The following DPF3 variants were observed in gnomAD, a reference collection of about 807,000 sequenced individuals.
The protein encoded by DPF3 is zinc finger protein DPF3.
A neutral mutation model predicts 56.8 loss-of-function variants in DPF3; 18 were observed. The observed-to-expected ratio is 0.32, with a 90% CI of 0.22 to 0.47. The LOEUF (loss-of-function observed/expected upper bound fraction) is 0.47. Among genes scored for constraint, DPF3 ranks in the 20% least tolerant of loss-of-function variants. DPF3 has a pLI of 1.00. For missense variants in DPF3, 403 were observed against 488.8 expected, an observed-to-expected ratio of 0.82 and a Z score of 1.65; for synonymous variants, 188 against 180.2, an observed-to-expected ratio of 1.04 and a Z score of -0.35.
intron 5 of DPF3, among the ~76,000 whole-genome samples, chr14:72,718,789 A>T (rs1440187920): frequency 6.7e-3 from 6 of 894 alleles, no homozygotes; most frequent in African/African-American, 0.017. Context: ...TTTTTTTGAG[A>T]CGGAGTCACT....
chr14:72,889,354 G>C (rs545932845), intron 1 of DPF3, among the ~76,000 whole-genome samples: 2 of 152,358 alleles, frequency 1.3e-5, no homozygotes, highest in South Asian at 4.1e-4. Flanking sequence ...TGCTAATGAG[G>C]TTTGGAGAAT....
intron 5 of DPF3, 95 bp from the exon 6 acceptor site, chr14:72,714,596 C>T (rs1888824466): frequency 1.4e-6 from 2 of 1,443,616 alleles, no homozygotes; most frequent in South Asian, 1.3e-5. Flanking sequence ...CGTCTTCATC[C>T]CAACTTTTGT....
chr14:72,700,545 T>C (rs780561088), intron 6 of DPF3, among the ~76,000 whole-genome samples: 3 of 152,162 alleles, frequency 2.0e-5, no homozygotes, highest in African/African-American at 7.2e-5. Flanking sequence ...AATTCCCTTC[T>C]GAGATAATCT....
At chr14:72,749,899 A>G (rs1306953521) in intron 3 of DPF3, among the ~76,000 whole-genome samples, 1 of 151,970 alleles carries the variant, frequency 6.6e-6, no homozygotes, top group Non-Finnish European at 1.5e-5. Context: ...AGAGAGAGGT[A>G]AAGAGAGACA....
intron 1 of DPF3, among the ~76,000 whole-genome samples, chr14:72,828,074 C>G (rs1246189460): frequency 6.6e-6 from 1 of 152,038 alleles, no homozygotes; most frequent in African/African-American, 2.4e-5. Flanking sequence ...TTTCAGAGTT[C>G]TTCAAAAAAT....
At chr14:72,779,538 C>T (rs1158072990) in intron 1 of DPF3, among the ~76,000 whole-genome samples, 1 of 152,178 alleles carries the variant, frequency 6.6e-6, no homozygotes, top group Non-Finnish European at 1.5e-5. Flanking sequence ...AAAATCAAGA[C>T]TTGGAATTGG....
chr14:72,816,961 C>A (rs1567243051), intron 1 of DPF3, among the ~76,000 whole-genome samples: 1 of 152,216 alleles, frequency 6.6e-6, no homozygotes, highest in Non-Finnish European at 1.5e-5. Context: ...CCATCTCATC[C>A]TCAGTTTCTC....
intron 1 of DPF3, among the ~76,000 whole-genome samples, chr14:72,893,019 G>A (rs1230726924): frequency 2.8e-5 from 4 of 142,606 alleles, no homozygotes; most frequent in African/African-American, 1.0e-4. Flanking sequence ...AAGGAAGGAA[G>A]GAAGGATGAA....
At chr14:72,750,111 A>G (rs1890504559) in intron 3 of DPF3, among the ~76,000 whole-genome samples, 1 of 152,152 alleles carries the variant, frequency 6.6e-6, no homozygotes, top group East Asian at 1.9e-4. Context: ...TAGTTTTATG[A>G]TCATAAAATA....
At position 72,797,077 on chromosome 14, in the gene DPF3, T is replaced by C. The variant is rs137977285; in HGVS notation, c.33-25184A>G. On this transcript the variant is annotated intron_variant, in intron 1 of 10. Transcript: ENST00000556509. ...ACTTGCTTTGGCCAACAGAATACAG[T>C]GGAAGTTAGATTACACCAGTTCCAA... is the stretch of plus-strand genomic sequence containing the variant. Among the ~76,000 whole-genome samples the C allele has an allele frequency of 9.0e-3, 1,373 of 152,264 alleles. 15 individuals are homozygous for C. The highest frequency in any genetic ancestry group is 0.023 in the South Asian group (113 of 4,816).
At chr14:72,772,571 G>C (rs1467149121) in intron 1 of DPF3, among the ~76,000 whole-genome samples, 1 of 152,096 alleles carries the variant, frequency 6.6e-6, no homozygotes, top group African/African-American at 2.4e-5. Flanking sequence ...TCAACTCATG[G>C]AGTTTAAAAA....
intron 1 of DPF3, among the ~76,000 whole-genome samples, chr14:72,776,546 T>C (rs578045829): frequency 6.8e-4 from 103 of 152,028 alleles, no homozygotes; most frequent in Non-Finnish European, 1.3e-3. Context: ...ATGGGAAAGA[T>C]GAGACTTCTC....
At chr14:72,742,104 C>A (rs1328214860) in intron 3 of DPF3, among the ~76,000 whole-genome samples, 9 of 152,234 alleles carry the variant, frequency 5.9e-5, no homozygotes, top group African/African-American at 2.2e-4. Flanking sequence ...ACGTAATAGC[C>A]ACAGCCTGAG....
chr14:72,700,815 C>T (rs1888126266), intron 6 of DPF3, among the ~76,000 whole-genome samples: 1 of 152,192 alleles, frequency 6.6e-6, no homozygotes, highest in Non-Finnish European at 1.5e-5. Flanking sequence ...ACACCTGCTC[C>T]CCGCGGTGAG....
Position 72,894,071 on chromosome 14 carries a change from G to A in DPF3, c.18C>T (p.His6=), listed in dbSNP as rs775931215. MATVI[H]NPLKALGDQF... ...GTCTTACTTACGCTTTCAGGGGGTT[G>A]TGAATGACAGTCGCCATTTTGCTAC... Residue 6 remains histidine, a synonymous_variant, in exon 1 of 11, where the codon CAC becomes CAT. Coordinates refer to ENST00000556509, the MANE Select transcript of DPF3 (RefSeq NM_001280542.3). 6 of 1,608,982 alleles carry A rather than the reference G, an allele frequency of 3.7e-6. No homozygotes were observed. The South Asian group carries it at 6.7e-5, about 18-fold the overall frequency.
chr14:72,717,030 T>C (rs1440461935), intron 5 of DPF3, among the ~76,000 whole-genome samples: 1 of 152,124 alleles, frequency 6.6e-6, no homozygotes, highest in Non-Finnish European at 1.5e-5. Context: ...GAGCCCATGG[T>C]CATAGGTTCA....
chr14:72,680,077 C>T (rs540411937), intron 7 of DPF3, among the ~76,000 whole-genome samples: 1 of 152,286 alleles, frequency 6.6e-6, no homozygotes, highest in Non-Finnish European at 1.5e-5. Context: ...CTCCGGCAGG[C>T]CCAGCGTGAA....
At chr14:72,769,305 A>T (rs1429681982) in intron 2 of DPF3, among the ~76,000 whole-genome samples, 1 of 152,162 alleles carries the variant, frequency 6.6e-6, no homozygotes, top group Non-Finnish European at 1.5e-5. Context: ...GAGAGGAGGA[A>T]GTGTACAGGA....
intron 8 of DPF3, chr14:72,670,910 TCTG>T: frequency 7.8e-7 from 1 of 1,282,804 alleles, no homozygotes; most frequent in Non-Finnish European, 9.9e-7. Context: ...GAACGCTCAT[TCTG>T]CTGTTTTGTT....
Sources: gnomAD v4.1 joint callset for allele counts (sites outside exome capture counted in the v4.1 genomes callset) on GRCh38, gnomAD v4.1.1 for gene constraint, MANE v1.5 for transcripts, NCBI Gene and HGNC (gene_info 2026-07-23, HGNC 2026-07-21) for gene names.